PSD3: variants seen among roughly 807,000 people sequenced by gnomAD.
The protein encoded by PSD3 is PH and SEC7 domain-containing protein 3.
A neutral mutation model predicts 105.5 loss-of-function variants in PSD3; 49 were observed. That is an observed-to-expected ratio of 0.46 (90% CI 0.37 to 0.59). The LOEUF (loss-of-function observed/expected upper bound fraction) is 0.59. Among genes scored for constraint, PSD3 ranks in the 20% least tolerant of loss-of-function variants. The probability of loss-of-function intolerance (pLI) is 0.00; values close to 1 mark genes in which losing one functional copy is unlikely to be tolerated. For missense variants in PSD3, 1,561 were observed against 1,263.8 expected (o/e 1.24, Z -3.57); for synonymous variants, 557 against 457.8 (o/e 1.22, Z -2.77).
chr8:18,931,569 T>C (rs1274435301), intron 2 of PSD3, among the ~76,000 whole-genome samples: 1 of 152,216 alleles, frequency 6.6e-6, no homozygotes, highest in Non-Finnish European at 1.5e-5. Context: ...GCAACTAAGC[T>C]CTCACTACAC....
intron 12 of PSD3, among the ~76,000 whole-genome samples, chr8:18,584,241 G>C (rs190649394): frequency 5.5e-4 from 84 of 152,262 alleles, no homozygotes; most frequent in African/African-American, 1.9e-3. Context: ...AAAGGGCAAA[G>C]CCATCATTCT....
At chr8:18,665,347 C>T (rs1469747290) in intron 9 of PSD3, among the ~76,000 whole-genome samples, 3 of 152,190 alleles carry the variant, frequency 2.0e-5, no homozygotes, top group African/African-American at 7.2e-5. Context: ...TTTGAGACTT[C>T]AGCAGAGGAA....
intron 4 of PSD3, among the ~76,000 whole-genome samples, chr8:18,814,295 C>T (rs1488703574): frequency 6.6e-6 from 1 of 152,182 alleles, no homozygotes; most frequent in Admixed American, 6.5e-5. Flanking sequence ...TTTTCTCAGC[C>T]TTGCTTTCAC....
At chr8:18,963,029 C>G (rs1824018155) in intron 1 of PSD3, among the ~76,000 whole-genome samples, 1 of 152,268 alleles carries the variant, frequency 6.6e-6, no homozygotes, top group South Asian at 2.1e-4. Flanking sequence ...ACTTAAAGTT[C>G]CACATGGCTG....
chr8:18,921,197 G>A (rs1820993415), intron 2 of PSD3, among the ~76,000 whole-genome samples: 1 of 152,036 alleles, frequency 6.6e-6, no homozygotes, highest in Non-Finnish European at 1.5e-5. Flanking sequence ...TATTCAATTG[G>A]CAGTGGTTCC....
intron 2 of PSD3, among the ~76,000 whole-genome samples, chr8:18,912,865 C>G (rs959827018): frequency 6.6e-6 from 1 of 151,932 alleles, no homozygotes; most frequent in Non-Finnish European, 1.5e-5. Flanking sequence ...GGAAATACAC[C>G]CTAAATTTTA....
chr8:18,644,921 T>C (rs1312967942), intron 10 of PSD3, among the ~76,000 whole-genome samples: 2 of 152,226 alleles, frequency 1.3e-5, no homozygotes, highest in African/African-American at 4.8e-5. Flanking sequence ...GGGGCCTGCA[T>C]CTGATGAGGG....
intron 4 of PSD3, among the ~76,000 whole-genome samples, chr8:18,812,744 G>A (rs888064978): frequency 1.3e-5 from 2 of 152,176 alleles, no homozygotes; most frequent in African/African-American, 2.4e-5. Context: ...AGTAGGATGT[G>A]AGGACACGTG....
At chr8:19,005,814 T>A (rs1055962455) in intron 1 of PSD3, among the ~76,000 whole-genome samples, 1 of 151,912 alleles carries the variant, frequency 6.6e-6, no homozygotes, top group South Asian at 2.1e-4. Flanking sequence ...GTGATGAATA[T>A]GCTCTAAAAT....
intron 1 of PSD3, chr8:18,940,069 T>G (rs987498090): frequency 3.3e-5 from 5 of 152,190 alleles, no homozygotes; most frequent in Non-Finnish European, 7.3e-5. Flanking sequence ...TCTCAAAATT[T>G]ATCATGAATT....
At chr8:18,762,330 T>C (rs1396725027) in intron 9 of PSD3, among the ~76,000 whole-genome samples, 1 of 152,152 alleles carries the variant, frequency 6.6e-6, no homozygotes, top group Non-Finnish European at 1.5e-5. Flanking sequence ...CTGCCACGAT[T>C]TTAGGTTTCC....
At chr8:18,688,203 C>T (rs60365752) in intron 9 of PSD3, among the ~76,000 whole-genome samples, 2,711 of 152,284 alleles carry the variant, frequency 0.018, 161 homozygotes, top group East Asian at 0.13. Flanking sequence ...CATGCCTGAG[C>T]CTCCTGAGTA....
At chr8:18,967,620 C>T (rs755547616) in intron 1 of PSD3, among the ~76,000 whole-genome samples, 1 of 152,124 alleles carries the variant, frequency 6.6e-6, no homozygotes, top group South Asian at 2.1e-4. Context: ...ATCTTAGAAC[C>T]TTTGACCATC....
chr8:18,540,741 C>A (rs930931914), intron 15 of PSD3, among the ~76,000 whole-genome samples: 2 of 152,284 alleles, frequency 1.3e-5, no homozygotes, highest in Non-Finnish European at 2.9e-5. Context: ...TGTTAAAACA[C>A]AAGACAGAGT....
chr8:18,798,650 G>GGGGTT (rs1357917673), intron 8 of PSD3, among the ~76,000 whole-genome samples: 3 of 151,914 alleles, frequency 2.0e-5, no homozygotes, highest in Non-Finnish European at 4.4e-5. Context: ...GTTAAATATG[G>GGGGTT]ACTAATCTAT....
At chr8:18,640,470 C>G (rs1807564285) in intron 10 of PSD3, among the ~76,000 whole-genome samples, 1 of 152,104 alleles carries the variant, frequency 6.6e-6, no homozygotes, top group Non-Finnish European at 1.5e-5. Context: ...TTCCCCCAGG[C>G]TACTCGTGTG....
rs146235119 is a variant in PSD3, at chr8:18,925,080, A to G, written c.130+10954T>C. Among the ~76,000 whole-genome samples, 950 of 152,362 alleles carry G rather than the reference A, an allele frequency of 6.2e-3. 4 individuals carry two copies. Among genetic ancestry groups the G allele is most frequent in the Non-Finnish European group, 0.011 (742 of 68,048 alleles). ...GACAGTATCCAGAGTCATACAATTA[A>G]GAAGGGGCTTGTATACAGATTATAG... is the stretch of plus-strand genomic sequence containing the variant. On this transcript the variant is annotated intron_variant, in intron 2 of 15. Transcript: ENST00000327040.
chr8:18,890,202 T>G (rs750269861), intron 2 of PSD3, among the ~76,000 whole-genome samples: 8 of 152,240 alleles, frequency 5.3e-5, no homozygotes, highest in Non-Finnish European at 8.8e-5. Flanking sequence ...TTATGTAAAG[T>G]AACTTTTCCT....
At chr8:18,808,640 T>C (rs1238989827) in intron 4 of PSD3, 7 of 1,332,838 alleles carry the variant, frequency 5.3e-6, no homozygotes, top group Non-Finnish European at 7.4e-6. Flanking sequence ...GATAAATATG[T>C]CCCTAGATGG....
Sources: allele counts gnomAD v4.1 joint callset (sites outside exome capture counted in the v4.1 genomes callset), GRCh38; gene constraint gnomAD v4.1.1; transcripts MANE v1.5; gene names NCBI Gene and HGNC (gene_info 2026-07-23, HGNC 2026-07-21).